PIEZO2: variants seen among roughly 807,000 people sequenced by gnomAD.
PIEZO2 encodes the protein piezo-type mechanosensitive ion channel component 2.
PIEZO2 carries 172 observed loss-of-function variants against 337.3 expected under a neutral mutation model. The ratio of observed to expected loss-of-function variants is 0.51; its 90% confidence interval spans 0.45 to 0.58. PIEZO2 has a LOEUF of 0.58. Among genes scored for constraint, PIEZO2 ranks in the 20% least tolerant of loss-of-function variants. The probability of loss-of-function intolerance (pLI) is 0.00; values close to 1 mark genes in which losing one functional copy is unlikely to be tolerated. For synonymous variants in PIEZO2, 1,251 were observed against 1,228.5 expected (o/e 1.02, Z -0.38); for missense variants, 3,028 against 3,391.3 (o/e 0.89, Z 2.66).
chr18:10,706,227 G>A (rs898078170), intron 40 of PIEZO2, among the ~76,000 whole-genome samples: 2 of 152,116 alleles, frequency 1.3e-5, no homozygotes, highest in African/African-American at 2.4e-5. Context: ...ACCATAAGGG[G>A]GGAATGGGAA....
At chr18:11,134,288 T>C (rs567833481) in intron 1 of PIEZO2, among the ~76,000 whole-genome samples, 4 of 152,330 alleles carry the variant, frequency 2.6e-5, no homozygotes, top group Admixed American at 6.5e-5. Flanking sequence ...AGCCTGGTTA[T>C]TTTCTGGCAT....
chr18:10,925,998 C>G (rs1314854685), intron 3 of PIEZO2, among the ~76,000 whole-genome samples: 1 of 152,222 alleles, frequency 6.6e-6, no homozygotes, highest in African/African-American at 2.4e-5. Context: ...CTCCAACTGG[C>G]TGCTGTTAGA....
chr18:11,119,214 C>G (rs2039968669), intron 1 of PIEZO2, among the ~76,000 whole-genome samples: 1 of 147,526 alleles, frequency 6.8e-6, no homozygotes, highest in Admixed American at 6.9e-5. Flanking sequence ...GTGGCCCAAT[C>G]TTGGCTCACT....
intron 2 of PIEZO2, among the ~76,000 whole-genome samples, chr18:11,012,611 G>A (rs1442426433): frequency 6.6e-6 from 1 of 152,140 alleles, no homozygotes; most frequent in Admixed American, 6.5e-5. Context: ...CCCTCATTAT[G>A]AGAATATGCA....
chr18:11,041,621 T>C (rs2037124489), intron 2 of PIEZO2, among the ~76,000 whole-genome samples: 1 of 152,246 alleles, frequency 6.6e-6, no homozygotes, highest in Non-Finnish European at 1.5e-5. Flanking sequence ...TGTGGTCTTT[T>C]GTGTTTACAC....
At chr18:10,896,006 G>A (rs2042889791) in intron 4 of PIEZO2, among the ~76,000 whole-genome samples, 2 of 146,292 alleles carry the variant, frequency 1.4e-5, no homozygotes, top group Admixed American at 1.4e-4. Flanking sequence ...GTTGCAGTGA[G>A]CCAAGATCAT....
At chr18:11,095,096 C>A (rs1348974126) in intron 1 of PIEZO2, among the ~76,000 whole-genome samples, 1 of 152,240 alleles carries the variant, frequency 6.6e-6, no homozygotes, top group East Asian at 1.9e-4. Flanking sequence ...TGATTGAGTT[C>A]TTTTGAATGG....
chr18:10,919,872 G>C (rs1568199625), intron 3 of PIEZO2, among the ~76,000 whole-genome samples: 3 of 139,832 alleles, frequency 2.1e-5, no homozygotes, highest in South Asian at 4.5e-4. Flanking sequence ...CACACACACA[G>C]AGTAAGTTGA....
Position 10,759,472 on chromosome 18 carries a change from A to G in PIEZO2, c.3757+10T>C. On this transcript the variant is annotated intron_variant, in intron 26 of 55. Coordinates refer to ENST00000674853, the MANE Select transcript of PIEZO2 (RefSeq NM_001378183.1). The surrounding 1 kb of genome is among the most constrained non-coding windows in gnomAD (Gnocchi z 5.5). ...CCAGCACTCTGTGGCCCTGCAGTGGAAACACTTACAGACGAGAAACACAGG... is the reference window on the plus strand; with the variant it reads ...CCAGCACTCTGTGGCCCTGCAGTGGGAACACTTACAGACGAGAAACACAGG... 6.5e-7 allele frequency: 1 copy of G among 1,533,278 alleles called. No individual in the cohort carries two copies. The highest frequency in any genetic ancestry group is 1.4e-5 in the African/African-American group (1 of 73,054). 95.0% of individuals were successfully genotyped at this position (1,533,278 alleles called of 1,614,324 possible). A position where few individuals can be genotyped will look rare whatever the true frequency, so the allele number is the denominator to read the frequency against.
chr18:10,779,357 CA>C (rs1264986578), intron 18 of PIEZO2, among the ~76,000 whole-genome samples: 1 of 152,192 alleles, frequency 6.6e-6, no homozygotes, highest in Non-Finnish European at 1.5e-5. Context: ...TAATGACATG[CA>C]ATTACAAGAG....
intron 32 of PIEZO2, among the ~76,000 whole-genome samples, chr18:10,741,576 G>A (rs1168558814): frequency 6.6e-6 from 1 of 152,080 alleles, no homozygotes; most frequent in African/African-American, 2.4e-5. Flanking sequence ...TATGCACTGG[G>A]AAAATATCAT....
intron 4 of PIEZO2, among the ~76,000 whole-genome samples, chr18:10,879,391 C>CT (rs11385433): frequency 0.89 from 94,783 of 106,140 alleles, 43,136 homozygotes; most frequent in South Asian, 0.96. Flanking sequence ...CCTTTCCAAT[C>CT]TTTTTTTTTT....
chr18:10,925,898 G>GTT (rs5823124), intron 3 of PIEZO2, among the ~76,000 whole-genome samples: 2 of 151,964 alleles, frequency 1.3e-5, no homozygotes, highest in South Asian at 2.1e-4. Context: ...AGTGTTTTTT[G>GTT]TTTTTTGTTT....
At chr18:10,814,562 C>T (rs1057251845) in intron 7 of PIEZO2, among the ~76,000 whole-genome samples, 1 of 152,096 alleles carries the variant, frequency 6.6e-6, no homozygotes, top group Non-Finnish European at 1.5e-5. Context: ...AGACACTAGA[C>T]TCAAAACACA....
chr18:10,684,155 C>CTTTTTTT (rs71169941), intron 49 of PIEZO2, among the ~76,000 whole-genome samples: 1 of 61,396 alleles, frequency 1.6e-5, no homozygotes, highest in African/African-American at 6.6e-5. Flanking sequence ...TGTCTTTCCT[C>CTTTTTTT]TTTTTTTTTT....
rs558538958 is a variant in PIEZO2 at position 10,917,837 on chromosome 18, C to A, written c.287-6609G>T. ...CCTGGCACAGAAATTGGTGATGAAACTAAAACATCAGGAAATTGTACCACT... is the reference window on the plus strand; with the variant it reads ...CCTGGCACAGAAATTGGTGATGAAAATAAAACATCAGGAAATTGTACCACT... On this transcript the variant is annotated intron_variant, in intron 3 of 55. Coordinates refer to ENST00000674853, the MANE Select transcript of PIEZO2 (RefSeq NM_001378183.1). Among the ~76,000 whole-genome samples the A allele has an allele frequency of 1.2e-4, 19 of 152,238 alleles. No homozygotes were observed. The South Asian group carries it at 3.9e-3, about 32-fold the overall frequency.
chr18:11,045,043 C>A (rs1032830007), intron 2 of PIEZO2, among the ~76,000 whole-genome samples: 1 of 151,946 alleles, frequency 6.6e-6, no homozygotes, highest in Non-Finnish European at 1.5e-5. Context: ...TGCCTGTAAT[C>A]TCAGCACTTT....
chr18:10,921,804 A>G (rs560680668), intron 3 of PIEZO2, among the ~76,000 whole-genome samples: 37 of 152,186 alleles, frequency 2.4e-4, no homozygotes, highest in African/African-American at 6.7e-4. Flanking sequence ...GAAAGAGAAT[A>G]CTCGCCTGAG....
chr18:11,059,926 G>C (rs1032674911), intron 2 of PIEZO2, among the ~76,000 whole-genome samples: 4 of 152,102 alleles, frequency 2.6e-5, no homozygotes, highest in Admixed American at 6.6e-5. Flanking sequence ...ATCTACAGAA[G>C]TCTCCACCCC....
Sources: allele counts gnomAD v4.1 joint callset (sites outside exome capture counted in the v4.1 genomes callset), GRCh38; gene constraint gnomAD v4.1.1; non-coding constraint Gnocchi (gnomAD v3.1); transcripts MANE v1.5; gene names NCBI Gene and HGNC (gene_info 2026-07-23, HGNC 2026-07-21).